Variants in KAZN observed in about 807,000 individuals in gnomAD.
The protein encoded by KAZN is kazrin.
KAZN carries 40 observed loss-of-function variants against 87.4 expected under a neutral mutation model. The ratio of observed to expected loss-of-function variants is 0.46; its 90% confidence interval spans 0.36 to 0.60. The LOEUF is 0.60. KAZN is among the 20% of genes least tolerant of loss of function. The pLI is 0.00. For missense variants in KAZN, 898 were observed against 1,073.9 expected (o/e 0.84, Z 2.29); for synonymous variants, 466 against 458.3 (o/e 1.02, Z -0.22).
At chr1:14,959,635 T>A (rs1663598135) in intron 1 of KAZN, among the ~76,000 whole-genome samples, 1 of 152,194 alleles carries the variant, frequency 6.6e-6, no homozygotes, top group Non-Finnish European at 1.5e-5. Flanking sequence ...CAGTATGTCC[T>A]TCCACGGTCT....
At chr1:14,099,431 G>C (rs1028212828) in intron 1 of KAZN, among the ~76,000 whole-genome samples, 2 of 152,010 alleles carry the variant, frequency 1.3e-5, no homozygotes, top group Admixed American at 6.5e-5. Flanking sequence ...CCTGTACCCT[G>C]TTCCTTCACC....
At chr1:14,019,223 T>C (rs1202596120) in intron 1 of KAZN, among the ~76,000 whole-genome samples, 7 of 152,218 alleles carry the variant, frequency 4.6e-5, no homozygotes, top group Non-Finnish European at 8.8e-5. Flanking sequence ...ATACCCCAGA[T>C]ATTTTTTATT....
intron 2 of KAZN, among the ~76,000 whole-genome samples, chr1:14,375,047 T>G (rs1438678133): frequency 6.6e-6 from 1 of 152,184 alleles, no homozygotes; most frequent in African/African-American, 2.4e-5. Context: ...TGGGAATCTG[T>G]TGCAGCTACA....
In KAZN at chr1:14,716,533, C is replaced by T. The variant is rs370964515; in HGVS notation, c.226+117310C>T. 2.7e-4 allele frequency among the ~76,000 whole-genome samples: 41 copies of T among 152,246 alleles called. 1 individual carries two copies. The South Asian group carries it at 8.5e-3, about 32-fold the overall frequency. On this transcript the variant is annotated intron_variant, in intron 1 of 14. Coordinates refer to ENST00000376030, the MANE Select transcript of KAZN (RefSeq NM_201628.3). The stretch of plus-strand genomic sequence containing the variant: ...CCTTCCCTTGGACCATTGCAGTAAC[C>T]TCCCTGTCGGCAGCCTTGTGCTCTA...
At chr1:14,360,247 T>C (rs140919329) in intron 2 of KAZN, among the ~76,000 whole-genome samples, 13 of 152,348 alleles carry the variant, frequency 8.5e-5, no homozygotes, top group African/African-American at 3.1e-4. Context: ...TTGATACTTG[T>C]GTATGATTCT....
At chr1:14,764,384 A>ACCCCCCCCCCCCC (rs1408862725) in intron 1 of KAZN, among the ~76,000 whole-genome samples, 5 of 105,222 alleles carry the variant, frequency 4.8e-5, no homozygotes, top group Non-Finnish European at 9.7e-5. Context: ...CCCCTCCCCC[A>ACCCCCCCCCCCCC]CACCCCCCCC....
intron 2 of KAZN, among the ~76,000 whole-genome samples, chr1:14,483,975 G>A (rs889955017): frequency 5.3e-5 from 8 of 152,062 alleles, no homozygotes; most frequent in South Asian, 2.1e-4. Flanking sequence ...TGATTCTCCC[G>A]CATGTGGATA....
At chr1:14,312,582 G>A (rs914278360) in intron 2 of KAZN, among the ~76,000 whole-genome samples, 8 of 152,132 alleles carry the variant, frequency 5.3e-5, no homozygotes, top group African/African-American at 1.7e-4. Context: ...TCTAATAAAC[G>A]TTTTTATTGA....
intron 1 of KAZN, among the ~76,000 whole-genome samples, chr1:14,164,740 A>G (rs1645787187): frequency 1.3e-5 from 2 of 151,860 alleles, no homozygotes; most frequent in Non-Finnish European, 2.9e-5. Context: ...GGGTTTCTCC[A>G]TGTTGGTCAG....
intron 1 of KAZN, among the ~76,000 whole-genome samples, chr1:14,028,003 G>C (rs1032903832): frequency 6.6e-6 from 1 of 152,104 alleles, no homozygotes; most frequent in Non-Finnish European, 1.5e-5. Flanking sequence ...GGGAAAACTG[G>C]TTCCTCCAAA....
In KAZN at chr1:14,111,486, C is replaced by G. The variant is rs1371993656; in HGVS notation, c.92-68949C>G. Among the ~76,000 whole-genome samples the G allele has an allele frequency of 1.5e-5, 2 of 135,174 alleles. 1 individual carries two copies. The highest frequency in any genetic ancestry group is 3.2e-5 in the Non-Finnish European group (2 of 63,002). The allele number at this position is 135,174 out of a possible 152,430, so 88.7% of individuals were successfully genotyped here. ...GTGCACTGAGTACTAACGTCAGGCC[C>G]AGCAGAGTCCAAAAGGACTGGGGCA... On this transcript the variant is annotated intron_variant, in intron 1 of 16. Coordinates refer to the KAZN transcript ENST00000636203.
Position 15,077,499 on chromosome 1 carries a change from G to A in KAZN, c.1222+11746G>A, listed in dbSNP as rs554710745. ...AGTGGAGAAGGGAAAAGGGGTCTTCGCTCAGCACTGCCCTCGGAGGCCTTG... is the reference window on the plus strand; with the variant it reads ...AGTGGAGAAGGGAAAAGGGGTCTTCACTCAGCACTGCCCTCGGAGGCCTTG... On this transcript the variant is annotated intron_variant, in intron 8 of 14. Coordinates refer to ENST00000376030, the MANE Select transcript of KAZN (RefSeq NM_201628.3). The surrounding 1 kb of genome is among the most constrained non-coding windows in gnomAD (Gnocchi z 4.8). Among the ~76,000 whole-genome samples, 6 of 152,364 alleles carry A rather than the reference G, an allele frequency of 3.9e-5. No individual in the cohort carries two copies. The South Asian group carries it at 8.3e-4, about 21-fold the overall frequency.
chr1:14,501,699 T>C (rs1670262853), intron 2 of KAZN, among the ~76,000 whole-genome samples: 1 of 152,098 alleles, frequency 6.6e-6, no homozygotes, highest in African/African-American at 2.4e-5. Flanking sequence ...GAGTTAATAT[T>C]GATAAATGGC....
At chr1:15,069,642 T>C (rs1413686013) in intron 8 of KAZN, among the ~76,000 whole-genome samples, 1 of 152,154 alleles carries the variant, frequency 6.6e-6, no homozygotes, top group Non-Finnish European at 1.5e-5. Context: ...AATAAATAAA[T>C]ATTTAAAAAA....
At chr1:14,284,331 T>C (rs528824208) in intron 2 of KAZN, among the ~76,000 whole-genome samples, 7 of 152,170 alleles carry the variant, frequency 4.6e-5, no homozygotes, top group Non-Finnish European at 5.9e-5. Flanking sequence ...ATGGAAGTGA[T>C]GCATGAGCTG....
At chr1:14,174,825 A>G (rs1181292175) in intron 1 of KAZN, among the ~76,000 whole-genome samples, 1 of 152,176 alleles carries the variant, frequency 6.6e-6, no homozygotes, top group Admixed American at 6.5e-5. Flanking sequence ...CGTGCTTTAT[A>G]CAATCTGTCT....
chr1:14,410,970 C>T (rs1026405127), intron 2 of KAZN, among the ~76,000 whole-genome samples: 1 of 152,186 alleles, frequency 6.6e-6, no homozygotes, highest in African/African-American at 2.4e-5. Context: ...TTTAAGCCGC[C>T]AAGTTTCTGG....
chr1:15,018,898 T>A (rs1670387033), intron 2 of KAZN, among the ~76,000 whole-genome samples: 1 of 152,216 alleles, frequency 6.6e-6, no homozygotes, highest in South Asian at 2.1e-4. Context: ...CATCTTCAGA[T>A]ATCGTTTCCA....
intron 1 of KAZN, among the ~76,000 whole-genome samples, chr1:14,101,390 GA>G (rs1168213572): frequency 6.6e-6 from 1 of 152,120 alleles, no homozygotes; most frequent in Non-Finnish European, 1.5e-5. Context: ...TCCTTTTTCA[GA>G]TAAACAATTT....
Sources: gnomAD v4.1 joint callset for allele counts (sites outside exome capture counted in the v4.1 genomes callset) on GRCh38, gnomAD v4.1.1 for gene constraint, Gnocchi (gnomAD v3.1) non-coding constraint, MANE v1.5 for transcripts, NCBI Gene and HGNC (gene_info 2026-07-23, HGNC 2026-07-21) for gene names.